Variants in DNAI4 observed in about 807,000 individuals in gnomAD.
The protein encoded by DNAI4 is dynein axonemal intermediate chain 4.
In DNAI4, 85 loss-of-function variants were observed where a neutral mutation model predicts 105.8. The ratio of observed to expected loss-of-function variants is 0.80; its 90% CI spans 0.67 to 0.96. DNAI4 has a LOEUF of 0.96. Ranked by LOEUF, DNAI4 falls within the 40% of genes least tolerant of loss-of-function variation. The probability of loss-of-function intolerance (pLI) is 0.00; values close to 1 mark genes in which losing one functional copy is unlikely to be tolerated. For synonymous variants in DNAI4, 352 were observed against 331.5 expected (o/e 1.06, Z -0.67); for missense variants, 1,014 against 1,005.6 (o/e 1.01, Z -0.11).
intron 1 of DNAI4, among the ~76,000 whole-genome samples, chr1:66,915,996 C>A (rs567282974): frequency 1.3e-5 from 2 of 150,966 alleles, no homozygotes; most frequent in Admixed American, 6.6e-5. Flanking sequence ...GTGGTGTGCA[C>A]CTATAATCCA....
At chr1:66,912,969 C>A (rs544431367) in intron 1 of DNAI4, among the ~76,000 whole-genome samples, 23 of 152,270 alleles carry the variant, frequency 1.5e-4, no homozygotes, top group Non-Finnish European at 3.1e-4. Context: ...CTGTACAACT[C>A]CCTTTTTTTT....
At chr1:66,843,513 C>G (rs1465964632) in intron 8 of DNAI4, among the ~76,000 whole-genome samples, 1 of 152,062 alleles carries the variant, frequency 6.6e-6, no homozygotes, top group Non-Finnish European at 1.5e-5. Context: ...GTGTCTTTTG[C>G]AGAGCAGAAG....
chr1:66,829,009 G>A (rs893592014), intron 13 of DNAI4, among the ~76,000 whole-genome samples: 1 of 152,174 alleles, frequency 6.6e-6, no homozygotes, highest in Non-Finnish European at 1.5e-5. Flanking sequence ...CAGAGTGTTA[G>A]GGAGTGCTCT....
intron 7 of DNAI4, among the ~76,000 whole-genome samples, chr1:66,860,542 A>G (rs1012751731): frequency 2.5e-4 from 38 of 151,142 alleles, no homozygotes; most frequent in African/African-American, 8.8e-4. Context: ...AGTTTCCCCT[A>G]CTCCCTTGAC....
chr1:66,921,161 T>A (rs749545284), intron 1 of DNAI4: 24 of 152,134 alleles, frequency 1.6e-4, no homozygotes, highest in Non-Finnish European at 3.1e-4. Context: ...AGGTGAGTAA[T>A]GTAAGCAGAG....
intron 1 of DNAI4, among the ~76,000 whole-genome samples, chr1:66,924,124 G>A (rs973734510): frequency 6.6e-6 from 1 of 152,156 alleles, no homozygotes; most frequent in African/African-American, 2.4e-5. Context: ...TAGAACGATG[G>A]TTCTAAACCA....
chr1:66,835,515 T>C (rs1645965234), intron 11 of DNAI4, 111 bp downstream of exon 11: 4 of 1,109,764 alleles, frequency 3.6e-6, no homozygotes, highest in Non-Finnish European at 5.1e-6. Context: ...TCAAAAATAA[T>C]GGTATCACTC....
At chr1:66,830,182 TAAAGA>T (rs1485991094) in intron 13 of DNAI4, among the ~76,000 whole-genome samples, 2 of 149,008 alleles carry the variant, frequency 1.3e-5, no homozygotes, top group African/African-American at 5.0e-5. Flanking sequence ...AAAACCAAAG[TAAAGA>T]AAAGAAATAA....
At chr1:66,869,096 A>G (rs1189814697) in intron 6 of DNAI4, among the ~76,000 whole-genome samples, 1 of 149,674 alleles carries the variant, frequency 6.7e-6, no homozygotes, top group African/African-American at 2.5e-5. Flanking sequence ...AAATAAATAA[A>G]TAAATAAATC....
chr1:66,834,094 T>C lies in DNAI4; in HGVS notation c.1788A>G (p.Gln596=), dbSNP rs973575082. Residue 596 remains glutamine (Q), a synonymous_variant, in exon 12 of 17, where the codon CAA becomes CAG. Coordinates refer to ENST00000371026, the MANE Select transcript of DNAI4 (RefSeq NM_024763.5). ...TGCCATCTCCTGTTGTTCCTCGATC[T>C]TGTTCTATCCACTGTAGTTGCCATA... is the stretch of plus-strand genomic sequence containing the variant. ...GPVWQLQWIE[Q]DRGTTGDGKR... is the part of the protein sequence containing the mutation. The C allele has an allele frequency of 6.2e-7, 1 of 1,612,662 alleles. No individual in the cohort carries two copies. Among genetic ancestry groups the C allele is most frequent in the Non-Finnish European group, 8.5e-7 (1 of 1,179,408 alleles).
intron 2 of DNAI4, among the ~76,000 whole-genome samples, chr1:66,898,333 G>A (rs1648513170): frequency 6.6e-6 from 1 of 152,138 alleles, no homozygotes; most frequent in African/African-American, 2.4e-5. Context: ...GAATTAATGT[G>A]TTTTACATGT....
At chr1:66,876,752 A>G (rs1336804980) in intron 4 of DNAI4, among the ~76,000 whole-genome samples, 1 of 152,112 alleles carries the variant, frequency 6.6e-6, no homozygotes, top group Non-Finnish European at 1.5e-5. Flanking sequence ...CTCTCCACCT[A>G]GAAAAGAATC....
At chr1:66,821,099 T>A (rs1645616471) in intron 16 of DNAI4, among the ~76,000 whole-genome samples, 1 of 80,554 alleles carries the variant, frequency 1.2e-5, no homozygotes, top group Non-Finnish European at 2.9e-5. Flanking sequence ...CTCTTTTTTT[T>A]TTTTTTTTTT....
In DNAI4 at chr1:66,827,749, A is replaced by G. The variant is rs41286724; in HGVS notation, c.2112+63T>C. ...TTATTGCATATTACATATTCTGTAT[A>G]TAATGGTACTGTTTTTTCAGAAATA... On this transcript the variant is annotated intron_variant, in intron 14 of 16. Transcript: ENST00000371026. 6,926 of 913,572 alleles carry G rather than the reference A, an allele frequency of 7.6e-3. 46 individuals carry two copies. Among genetic ancestry groups the G allele is most frequent in the Non-Finnish European group, 8.5e-3 (5,146 of 606,246 alleles). 56.6% of individuals were successfully genotyped at this position (913,572 alleles called of 1,614,324 possible). A position where few individuals can be genotyped will look rare whatever the true frequency, so the allele number is the denominator to read the frequency against.
chr1:66,892,973 GAAA>G (rs1557964468), intron 3 of DNAI4, among the ~76,000 whole-genome samples: 5 of 128,498 alleles, frequency 3.9e-5, no homozygotes, highest in African/African-American at 1.3e-4. Context: ...AAGAAAGAAA[GAAA>G]GAAAGAAAGA....
chr1:66,865,313 A>C (rs1646710629), intron 6 of DNAI4, among the ~76,000 whole-genome samples: 1 of 152,054 alleles, frequency 6.6e-6, no homozygotes, highest in Non-Finnish European at 1.5e-5. Context: ...AATCGCAGCT[A>C]CTTGGGAGGC....
chr1:66,857,358 G>A, intron 7 of DNAI4, among the ~76,000 whole-genome samples: 1 of 101,456 alleles, frequency 9.9e-6, no homozygotes. Flanking sequence ...AGGGGGGAGG[G>A]ATAGTATTAG....
At chr1:66,876,805 A>G (rs1042692417) in intron 4 of DNAI4, among the ~76,000 whole-genome samples, 12 of 151,838 alleles carry the variant, frequency 7.9e-5, no homozygotes, top group African/African-American at 2.9e-4. Flanking sequence ...TTGACTGCCA[A>G]TGATGGAGGG....
chr1:66,881,314 C>T (rs758813825), intron 4 of DNAI4, among the ~76,000 whole-genome samples: 1 of 152,192 alleles, frequency 6.6e-6, no homozygotes, highest in Non-Finnish European at 1.5e-5. Context: ...TGACAGCTTG[C>T]ACCATGTGCC....
Sources: gnomAD v4.1 joint callset for allele counts (sites outside exome capture counted in the v4.1 genomes callset) on GRCh38, gnomAD v4.1.1 for gene constraint, MANE v1.5 for transcripts, NCBI Gene and HGNC (gene_info 2026-07-23, HGNC 2026-07-21) for gene names.